Variants in PTPRD observed in about 807,000 individuals in gnomAD.
The protein encoded by PTPRD is receptor-type tyrosine-protein phosphatase delta.
Under a neutral mutation model 214.5 loss-of-function variants are expected in PTPRD, and 34 were observed. That is an observed-to-expected ratio of 0.16 (90% CI 0.12 to 0.21). The LOEUF is 0.21. PTPRD is among the 10% of genes least tolerant of loss of function. PTPRD has a pLI of 1.00. For synonymous variants in PTPRD, 1,128 were observed against 845.7 expected (o/e 1.33, Z -5.79); for missense variants, 2,545 against 2,398.7 (o/e 1.06, Z -1.27).
intron 9 of PTPRD, among the ~76,000 whole-genome samples, chr9:9,320,560 T>C (rs1965966681): frequency 6.6e-6 from 1 of 152,170 alleles, no homozygotes; most frequent in South Asian, 2.1e-4. Context: ...ACCAGTCCTT[T>C]ACACCGACTC....
chr9:9,696,790 C>T (rs1404885341), intron 7 of PTPRD, among the ~76,000 whole-genome samples: 2 of 151,998 alleles, frequency 1.3e-5, no homozygotes, highest in African/African-American at 4.8e-5. Flanking sequence ...ATAATTTAGT[C>T]TATTTAAACA....
At chr9:10,167,071 C>A (rs2099163622) in intron 3 of PTPRD, among the ~76,000 whole-genome samples, 1 of 151,304 alleles carries the variant, frequency 6.6e-6, no homozygotes, top group Admixed American at 6.6e-5. Context: ...ACCTAAAATA[C>A]AGAATTTATC....
At chr9:9,926,950 T>C (rs979937025) in intron 5 of PTPRD, among the ~76,000 whole-genome samples, 1 of 152,164 alleles carries the variant, frequency 6.6e-6, no homozygotes, top group Non-Finnish European at 1.5e-5. Flanking sequence ...GAATTGTTGA[T>C]TTGTAACCTT....
intron 9 of PTPRD, among the ~76,000 whole-genome samples, chr9:9,333,527 A>AT (rs1569567453): frequency 8.1e-6 from 1 of 124,110 alleles, no homozygotes; most frequent in African/African-American, 4.8e-5. Flanking sequence ...TATATATATA[A>AT]AGTCTGCAAT....
At chr9:10,457,603 G>C (rs972566363) in intron 2 of PTPRD, among the ~76,000 whole-genome samples, 2 of 151,918 alleles carry the variant, frequency 1.3e-5, no homozygotes, top group African/African-American at 2.4e-5. Flanking sequence ...GAAATCTCTA[G>C]GTGAACTATT....
chr9:8,945,307 TA>T (rs1405624147), intron 11 of PTPRD, among the ~76,000 whole-genome samples: 1 of 150,164 alleles, frequency 6.7e-6, no homozygotes, highest in Non-Finnish European at 1.5e-5. Flanking sequence ...TTATTTAGAA[TA>T]AAATATATAT....
At chr9:8,662,623 G>C (rs1664600822) in intron 12 of PTPRD, among the ~76,000 whole-genome samples, 3 of 152,140 alleles carry the variant, frequency 2.0e-5, no homozygotes, top group African/African-American at 7.2e-5. Flanking sequence ...CTTCCTACTT[G>C]TTCATCCCAG....
intron 2 of PTPRD, among the ~76,000 whole-genome samples, chr9:10,592,500 A>G (rs1354430668): frequency 6.6e-6 from 1 of 151,978 alleles, no homozygotes; most frequent in East Asian, 1.9e-4. Context: ...CCCCAGCTAC[A>G]GGTAATAGCC....
intron 6 of PTPRD, among the ~76,000 whole-genome samples, chr9:9,766,479 A>G (rs369381800): frequency 2.0e-5 from 3 of 152,216 alleles, no homozygotes; most frequent in South Asian, 4.1e-4. Flanking sequence ...TCCTATTTCA[A>G]TAATTTCATC....
intron 9 of PTPRD, among the ~76,000 whole-genome samples, chr9:9,340,199 G>A (rs2046235899): frequency 6.6e-6 from 1 of 152,142 alleles, no homozygotes; most frequent in African/African-American, 2.4e-5. Context: ...AAAATTAACA[G>A]CCCATAATCA....
chr9:10,525,655 T>A (rs1255498414), intron 2 of PTPRD, among the ~76,000 whole-genome samples: 1 of 151,714 alleles, frequency 6.6e-6, no homozygotes, highest in Non-Finnish European at 1.5e-5. Context: ...ATAAAAATAT[T>A]CTCCACACAT....
chr9:9,521,109 A>G (rs947579910), intron 8 of PTPRD, among the ~76,000 whole-genome samples: 1 of 152,172 alleles, frequency 6.6e-6, no homozygotes, highest in Non-Finnish European at 1.5e-5. Context: ...CTCCATAACT[A>G]TTTAAGAACT....
intron 34 of PTPRD, chr9:8,438,623 T>A (rs1564813345): frequency 6.6e-6 from 1 of 152,186 alleles, no homozygotes; most frequent in Admixed American, 6.5e-5. Context: ...TAGGCTTATC[T>A]GGAAATGGAA....
At chr9:8,791,198 T>C (rs1402882346) in intron 11 of PTPRD, among the ~76,000 whole-genome samples, 2 of 152,104 alleles carry the variant, frequency 1.3e-5, no homozygotes, top group Admixed American at 1.3e-4. Flanking sequence ...AAGAATACAA[T>C]GCAGAGGAGA....
chr9:10,251,160 T>C (rs1211023577), intron 3 of PTPRD, among the ~76,000 whole-genome samples: 3 of 152,120 alleles, frequency 2.0e-5, no homozygotes, highest in Non-Finnish European at 2.9e-5. Context: ...ACATGTTCAA[T>C]TGATTAAATA....
chr9:8,624,225 AG>A (rs1200961149), intron 14 of PTPRD, among the ~76,000 whole-genome samples: 2 of 151,956 alleles, frequency 1.3e-5, no homozygotes, highest in Non-Finnish European at 2.9e-5. Context: ...GGGGAAAAAA[AG>A]GAACTAAAAT....
At chr9:9,022,553 A>G (rs2099573452) in intron 10 of PTPRD, among the ~76,000 whole-genome samples, 1 of 152,180 alleles carries the variant, frequency 6.6e-6, no homozygotes, top group African/African-American at 2.4e-5. Context: ...ACCACATACC[A>G]TAAGTTTGTA....
chr9:10,159,018 T>A (rs989568523), intron 3 of PTPRD, among the ~76,000 whole-genome samples: 14 of 152,002 alleles, frequency 9.2e-5, no homozygotes, highest in Admixed American at 3.3e-4. Context: ...GTTCCACTGG[T>A]CCCCCTGGGC....
At chr9:10,040,362 A>T (rs1417608965) in intron 3 of PTPRD, among the ~76,000 whole-genome samples, 1 of 152,024 alleles carries the variant, frequency 6.6e-6, no homozygotes, top group Non-Finnish European at 1.5e-5. Flanking sequence ...AACATTTTAG[A>T]TACACCTAAT....
Sources: gnomAD v4.1 joint callset for allele counts (sites outside exome capture counted in the v4.1 genomes callset) on GRCh38, gnomAD v4.1.1 for gene constraint, MANE v1.5 for transcripts, NCBI Gene and HGNC (gene_info 2026-07-23, HGNC 2026-07-21) for gene names.